Variants in TAF3 observed in about 807,000 individuals in gnomAD.
TAF3 encodes transcription initiation factor TFIID subunit 3.
In TAF3, 7 loss-of-function variants were observed where a neutral mutation model predicts 80.6. The observed-to-expected ratio is 0.09, with a 90% CI of 0.05 to 0.16. The LOEUF is 0.16. TAF3 is among the 10% of genes least tolerant of loss of function. TAF3 has a pLI of 1.00. For missense variants in TAF3, 921 were observed against 1,140.2 expected, an observed-to-expected ratio of 0.81 and a Z score of 2.77; for synonymous variants, 444 against 446.1, an observed-to-expected ratio of 1.00 and a Z score of 0.06.
intron 2 of TAF3, among the ~76,000 whole-genome samples, chr10:7,861,291 A>G (rs1837144480): frequency 6.6e-6 from 1 of 152,016 alleles, no homozygotes; most frequent in Non-Finnish European, 1.5e-5. Context: ...TATTTTTAGT[A>G]GAGATGGGGT....
intron 2 of TAF3, among the ~76,000 whole-genome samples, chr10:7,952,435 C>T (rs528602436): frequency 2.6e-5 from 4 of 152,250 alleles, no homozygotes; most frequent in South Asian, 4.1e-4. Context: ...AAAAGAAGCA[C>T]TCAGAATGCT....
chr10:7,946,918 TA>T (rs1302955158), intron 2 of TAF3, among the ~76,000 whole-genome samples: 2 of 152,154 alleles, frequency 1.3e-5, no homozygotes, highest in Non-Finnish European at 2.9e-5. Flanking sequence ...TTTCTTTTTT[TA>T]AAAAAATAAT....
intron 4 of TAF3, among the ~76,000 whole-genome samples, chr10:7,995,845 C>A (rs911253140): frequency 6.6e-6 from 1 of 152,098 alleles, no homozygotes; most frequent in African/African-American, 2.4e-5. Flanking sequence ...AAAATTTGAG[C>A]TGTGAGGATC....
intron 2 of TAF3, among the ~76,000 whole-genome samples, chr10:7,895,443 A>G (rs1312342461): frequency 2.0e-5 from 3 of 152,168 alleles, no homozygotes; most frequent in African/African-American, 7.2e-5. Flanking sequence ...AAGCATTTTG[A>G]AGACAGACAA....
At chr10:7,857,926 T>TTTC (rs35210778) in intron 2 of TAF3, among the ~76,000 whole-genome samples, 11 of 151,694 alleles carry the variant, frequency 7.3e-5, no homozygotes, top group Admixed American at 2.6e-4. Flanking sequence ...TTTTTTTTTT[T>TTTC]CTGCTAACCT....
intron 2 of TAF3, among the ~76,000 whole-genome samples, chr10:7,926,685 T>G (rs1175236428): frequency 6.6e-6 from 1 of 152,198 alleles, no homozygotes; most frequent in Non-Finnish European, 1.5e-5. Flanking sequence ...TCTTTAAAAT[T>G]TATCCACTAA....
Position 7,964,967 on chromosome 10 carries a change from C to A in TAF3, c.1457C>A (p.Pro486His). The A allele has an allele frequency of 1.2e-6, 2 of 1,614,036 alleles. No individual in the cohort carries two copies. Among genetic ancestry groups the A allele is most frequent in the South Asian group, 2.2e-5 (2 of 91,062 alleles). Residue 486 changes from proline to histidine, a missense_variant, in exon 3 of 7, where the codon CCC becomes CAC. Pro to His is a moderately conservative substitution (Grantham distance 77). Transcript: ENST00000344293. The surrounding 1 kb of genome is among the most constrained non-coding windows in gnomAD (Gnocchi z 4.1). The stretch of plus-strand genomic sequence containing the variant: ...AAACTGGGAACACCTTCAAATATGC[C>A]CCCCAACTTTCCTTATATCTCTTCT... ...KAKLGTPSNM[P>H]PNFPYISSPS... is the part of the protein sequence containing the mutation.
chr10:7,955,268 TA>T (rs761897634), intron 2 of TAF3, among the ~76,000 whole-genome samples: 1 of 152,230 alleles, frequency 6.6e-6, no homozygotes, highest in Admixed American at 6.5e-5. Context: ...AGGAATCTAT[TA>T]TAAAAACAGT....
intron 4 of TAF3, among the ~76,000 whole-genome samples, chr10:8,006,862 G>A (rs531254852): frequency 7.2e-5 from 11 of 152,342 alleles, no homozygotes; most frequent in African/African-American, 2.4e-4. Flanking sequence ...TCTGGATGCA[G>A]TTTTTGAAGT....
chr10:7,938,222 T>C lies in TAF3; in HGVS notation c.410-25698T>C, dbSNP rs181582036. On this transcript the variant is annotated intron_variant, in intron 2 of 6. Transcript: ENST00000344293. ...TTTAAAAATCCCTAACTTGAAGCAGTGGAGAGCCTTGGGAGTTTGGTGTGG... is the reference window on the plus strand; with the variant it reads ...TTTAAAAATCCCTAACTTGAAGCAGCGGAGAGCCTTGGGAGTTTGGTGTGG... Among the ~76,000 whole-genome samples, 3 of 152,220 alleles carry C rather than the reference T, an allele frequency of 2.0e-5. No individual in the cohort carries two copies. In the East Asian group the frequency reaches 5.8e-4, roughly 29 times the overall value.
At chr10:7,983,941 A>T (rs1831752745) in intron 4 of TAF3, among the ~76,000 whole-genome samples, 1 of 152,268 alleles carries the variant, frequency 6.6e-6, no homozygotes, top group Non-Finnish European at 1.5e-5. Context: ...CACAAGTGAC[A>T]TTTAACATTT....
Position 7,987,408 on chromosome 10 carries a change from A to G in TAF3, c.2315+10085A>G, listed in dbSNP as rs574598494. On this transcript the variant is annotated intron_variant, in intron 4 of 6. Coordinates refer to ENST00000344293, the MANE Select transcript of TAF3 (RefSeq NM_031923.4). ...TCTAACAGATCATGAACATTTTTCC[A>G]TGTCTGTATGACATGGTATTTCATT... is the stretch of plus-strand genomic sequence containing the variant. Among the ~76,000 whole-genome samples, 22 of 152,272 alleles carry G rather than the reference A, an allele frequency of 1.4e-4. No individual in the cohort carries two copies. The South Asian group carries it at 2.1e-3, about 14-fold the overall frequency.
chr10:7,836,327 G>A (rs1278327644), intron 2 of TAF3, among the ~76,000 whole-genome samples: 1 of 141,652 alleles, frequency 7.1e-6, no homozygotes, highest in Non-Finnish European at 1.5e-5. Flanking sequence ...TTTCGCTCTT[G>A]TTGCCCAGGC....
intron 2 of TAF3, among the ~76,000 whole-genome samples, chr10:7,941,547 A>G (rs974240654): frequency 1.3e-5 from 2 of 152,206 alleles, no homozygotes; most frequent in African/African-American, 2.4e-5. Flanking sequence ...CTTTGGCACA[A>G]TCTGACAAAG....
intron 2 of TAF3, among the ~76,000 whole-genome samples, chr10:7,879,757 G>T (rs1837343514): frequency 6.6e-6 from 1 of 152,110 alleles, no homozygotes; most frequent in Admixed American, 6.5e-5. Context: ...TTAAAATATT[G>T]TTTTGATTTT....
Position 7,957,792 on chromosome 10 carries a change from GCGCTCTCTCTCT to G in TAF3, c.410-6126_410-6115del, listed in dbSNP as rs1187288119. On this transcript the variant is annotated intron_variant, in intron 2 of 6. Transcript: ENST00000344293. ...CTGTCTGTCTCACGCTCTCTCTAGC[GCGCTCTCTCTCT>G]CTCTCTCTCTCTCTCTCTCTCTCGA... Among the ~76,000 whole-genome samples the G allele has an allele frequency of 8.1e-3, 1,088 of 134,266 alleles. 7 individuals are homozygous for G. Among genetic ancestry groups the G allele is most frequent in the Non-Finnish European group, 0.011 (676 of 63,284 alleles). The allele number at this position is 134,266 out of a possible 152,430, so 88.1% of individuals were successfully genotyped here.
Position 7,910,154 on chromosome 10 carries a change from G to C in TAF3, c.410-53766G>C, listed in dbSNP as rs185264630. 1.6e-4 allele frequency among the ~76,000 whole-genome samples: 24 copies of C among 152,122 alleles called. No individual in the cohort carries two copies. In the East Asian group the frequency reaches 4.6e-3, roughly 29 times the overall value. ...CCAAGGATGCACAGCCTGTAGGTAG[G>C]GTACAGAGGCCAGTTGTTTCCCTGA... On this transcript the variant is annotated intron_variant, in intron 2 of 6. Transcript: ENST00000344293.
At chr10:7,979,073 G>A (rs773767461) in intron 4 of TAF3, among the ~76,000 whole-genome samples, 4 of 151,710 alleles carry the variant, frequency 2.6e-5, no homozygotes, top group African/African-American at 7.3e-5. Context: ...AGCCAGATGC[G>A]GTGGCTCACG....
At position 7,964,392 on chromosome 10, in the gene TAF3, G is replaced by T. The variant is rs371012035; in HGVS notation, c.882G>T (p.Met294Ile). ...CTAAAACCGCCCAGTCACCAGCAATGGTCGGAAGTCCTATTCGATCACCAA... is the reference window on the plus strand; with the variant it reads ...CTAAAACCGCCCAGTCACCAGCAATTGTCGGAAGTCCTATTCGATCACCAA... Reference protein sequence around the residue: ...KSPKTAQSPAMVGSPIRSPKT... With the variant: ...KSPKTAQSPAIVGSPIRSPKT... Residue 294 changes from methionine to isoleucine, a missense_variant, in exon 3 of 7, where the codon ATG (methionine) becomes ATT (isoleucine). Physicochemically the swap from Met to Ile is conservative, Grantham distance 10 (BLOSUM62 1). Around this residue, in one of 6 missense-constraint regions of TAF3, gnomAD observed 743 missense variants for 821.0 expected, o/e 0.90. Coordinates refer to ENST00000344293, the MANE Select transcript of TAF3 (RefSeq NM_031923.4). This position sits in a 1 kb window ranked among gnomAD's most constrained non-coding sequence, Gnocchi z 4.1. 15 of 1,613,946 alleles carry T rather than the reference G, an allele frequency of 9.3e-6. No homozygotes were observed. The highest frequency in any genetic ancestry group is 5.3e-5 in the African/African-American group (4 of 74,904).
Sources: allele counts gnomAD v4.1 joint callset (sites outside exome capture counted in the v4.1 genomes callset), GRCh38; gene constraint gnomAD v4.1.1; regional missense constraint gnomAD v4.1.1; non-coding constraint Gnocchi (gnomAD v3.1); transcripts MANE v1.5; gene names NCBI Gene and HGNC (gene_info 2026-07-23, HGNC 2026-07-21).